Variants in DNAH9 observed in about 807,000 individuals in gnomAD.
DNAH9 encodes the protein dynein axonemal heavy chain 9.
In DNAH9, 345 loss-of-function variants were observed where a neutral mutation model predicts 471.6. That is an observed-to-expected ratio of 0.73 (90% confidence interval 0.67 to 0.80). The LOEUF (loss-of-function observed/expected upper bound fraction) is 0.80, where lower values mean the gene tolerates loss of function less well. DNAH9 is among the 30% of genes least tolerant of loss of function. The pLI is 0.00. For missense variants in DNAH9, 5,407 were observed against 5,609.2 expected (o/e 0.96, Z 1.15); for synonymous variants, 2,093 against 2,123.6 (o/e 0.99, Z 0.40).
chr17:11,919,410 G>C (rs12450739), intron 61 of DNAH9, among the ~76,000 whole-genome samples: 27,385 of 150,014 alleles, frequency 0.18, 2,545 homozygotes, highest in East Asian at 0.28. Flanking sequence ...CAGGAGAATG[G>C]CATGAACCCG....
At chr17:11,723,834 A>G (rs932494352) in intron 27 of DNAH9, among the ~76,000 whole-genome samples, 1 of 151,550 alleles carries the variant, frequency 6.6e-6, no homozygotes, top group East Asian at 2.0e-4. Flanking sequence ...CGCCTGGCTA[A>G]TTGGTTTTTT....
chr17:11,775,955 A>C (rs1165418878), intron 38 of DNAH9, among the ~76,000 whole-genome samples: 1 of 151,984 alleles, frequency 6.6e-6, no homozygotes, highest in African/African-American at 2.4e-5. Flanking sequence ...CCTCTCTTTC[A>C]CTACATCCAG....
At chr17:11,618,328 C>T (rs530284193) in intron 5 of DNAH9, among the ~76,000 whole-genome samples, 41 of 152,294 alleles carry the variant, frequency 2.7e-4, no homozygotes, top group African/African-American at 9.9e-4. Flanking sequence ...TGGCTCACGC[C>T]TGTAATCCCA....
rs1171038641 is a variant in DNAH9, at chr17:11,711,025, A to G, written c.5552+5840A>G. Among the ~76,000 whole-genome samples, 3 of 152,308 alleles carry G rather than the reference A, an allele frequency of 2.0e-5. No individual in the cohort carries two copies. The East Asian group carries it at 5.8e-4, about 29-fold the overall frequency. ...CTGAATGTTGACTTATTTCTTGCAC[A>G]GGCTGGAAAGATGGTCTCTATGCCT... On this transcript the variant is annotated intron_variant, in intron 26 of 68. Transcript: ENST00000262442.
At chr17:11,742,134 A>T (rs1275371073) in intron 29 of DNAH9, 41 bp from the exon 30 acceptor site, 2 of 1,606,354 alleles carry the variant, frequency 1.2e-6, no homozygotes, top group Non-Finnish European at 1.7e-6. Flanking sequence ...TCAACACTGT[A>T]CTTGGGAAAC....
intron 45 of DNAH9, among the ~76,000 whole-genome samples, chr17:11,821,526 C>T (rs1385515906): frequency 2.6e-5 from 4 of 151,706 alleles, no homozygotes; most frequent in East Asian, 1.9e-4. Context: ...CCCTTTTTGC[C>T]GGGGGTCTTT....
chr17:11,637,697 A>G (rs866046362), intron 9 of DNAH9, among the ~76,000 whole-genome samples: 20 of 152,200 alleles, frequency 1.3e-4, no homozygotes, highest in African/African-American at 4.8e-4. Flanking sequence ...ATTGGACTGA[A>G]TGGCCTCTGA....
At position 11,932,101 on chromosome 17, in the gene DNAH9, C is replaced by G. The variant is rs138149656; in HGVS notation, c.12193C>G (p.Arg4065Gly). 5 of 1,614,028 alleles carry G rather than the reference C, an allele frequency of 3.1e-6. No homozygotes were observed. The change falls in exon 64 of 69, where the codon CGA (arginine) becomes GGA (glycine). Residue 4065 changes from arginine to glycine, a missense_variant. Arg to Gly is a moderately radical substitution (Grantham distance 125). Coordinates refer to ENST00000262442, the MANE Select transcript of DNAH9 (RefSeq NM_001372.4). This position sits in a 1 kb window ranked among gnomAD's most constrained non-coding sequence, Gnocchi z 4.3. The part of the protein sequence containing the change: ...CYFHAVVAER[R>G]KFGPQGWNRS... ...CTTCCATGCGGTGGTGGCAGAAAGA[C>G]GAAAATTTGGGCCCCAGGGATGGAA...
chr17:11,672,570 C>T (rs1046250244), intron 17 of DNAH9, among the ~76,000 whole-genome samples: 2 of 152,226 alleles, frequency 1.3e-5, no homozygotes, highest in Non-Finnish European at 2.9e-5. Flanking sequence ...TGCACTCTGC[C>T]TTGCTGCCAT....
Position 11,742,254 on chromosome 17 carries a change from T to A in DNAH9, c.6052T>A (p.Ser2018Thr), listed in dbSNP as rs757716226. Reference sequence around the variant, plus strand: ...GGCAGAAGGATTCATTGAAGCCCAGTCATTAGCCAGAAAGTTCATCACTCT... The same window carrying A: ...GGCAGAAGGATTCATTGAAGCCCAGACATTAGCCAGAAAGTTCATCACTCT... ...LVAEGFIEAQ[S>T]LARKFITLYQ... is the part of the protein sequence containing the mutation. Residue 2018 changes from serine (S) to threonine (T), a missense_variant, in exon 30 of 69, where the codon TCA becomes ACA. This residue lies in a region of DNAH9 where 4,636 missense variants were observed against 4,900.3 expected (regional missense o/e 0.95). Coordinates refer to ENST00000262442, the MANE Select transcript of DNAH9 (RefSeq NM_001372.4). The A allele has an allele frequency of 1.2e-6, 2 of 1,614,028 alleles. No homozygotes were observed. The highest frequency in any genetic ancestry group is 1.3e-5 in the African/African-American group (1 of 74,916).
At chr17:11,773,872 G>A (rs1968316045) in intron 38 of DNAH9, among the ~76,000 whole-genome samples, 1 of 152,194 alleles carries the variant, frequency 6.6e-6, no homozygotes, top group Non-Finnish European at 1.5e-5. Context: ...GCTCATGCCT[G>A]TAATCCCAGC....
rs945997753 is a variant in DNAH9 at position 11,793,488 on chromosome 17, C to G, written c.8062-15C>G. ...GGTTATTAACGTTATTTTTTTGTGT[C>G]TGTTCCCCTTGAAGGGCATTCTCTT... is the stretch of plus-strand genomic sequence containing the variant. On this transcript the variant is annotated splice_polypyrimidine_tract_variant and intron_variant, in intron 41 of 68. Transcript: ENST00000262442. 4 of 1,597,170 alleles carry G rather than the reference C, an allele frequency of 2.5e-6. No individual in the cohort carries two copies. Among genetic ancestry groups the G allele is most frequent in the African/African-American group, 1.4e-5 (1 of 73,788 alleles).
At chr17:11,930,817 G>C (rs1347461963) in intron 63 of DNAH9, among the ~76,000 whole-genome samples, 4 of 151,828 alleles carry the variant, frequency 2.6e-5, no homozygotes, top group South Asian at 2.1e-4. Flanking sequence ...GAAACTCTGG[G>C]CTGGGGCCCA....
In DNAH9 at chr17:11,892,786, T is replaced by C. The variant is rs1401614789; in HGVS notation, c.11283+839T>C. The stretch of plus-strand genomic sequence containing the variant: ...CCAGGCTCGTCTCAAACTCCTGACC[T>C]CAGGTGATCCACCCGCCTCGGCCTA... On this transcript the variant is annotated intron_variant, in intron 58 of 68. Coordinates refer to ENST00000262442, the MANE Select transcript of DNAH9 (RefSeq NM_001372.4). This position sits in a 1 kb window ranked among gnomAD's most constrained non-coding sequence, Gnocchi z 4.3. Among the ~76,000 whole-genome samples, 1 of 152,078 alleles carries C rather than the reference T, an allele frequency of 6.6e-6. No individual in the cohort carries two copies. The highest frequency in any genetic ancestry group is 1.5e-5 in the Non-Finnish European group (1 of 68,014).
chr17:11,741,383 A>T (rs1049488900), intron 29 of DNAH9, among the ~76,000 whole-genome samples: 13 of 152,338 alleles, frequency 8.5e-5, no homozygotes, highest in Middle Eastern at 3.4e-3. Flanking sequence ...AATAAGTATT[A>T]GGTTGGTGCA....
chr17:11,896,092 C>A (rs1485287447), intron 59 of DNAH9, among the ~76,000 whole-genome samples: 1 of 152,204 alleles, frequency 6.6e-6, no homozygotes, highest in Non-Finnish European at 1.5e-5. Flanking sequence ...TTCCCATCTT[C>A]ACATGGCTGT....
At chr17:11,873,059 C>T (rs1245258746) in intron 52 of DNAH9, among the ~76,000 whole-genome samples, 1 of 152,222 alleles carries the variant, frequency 6.6e-6, no homozygotes, top group African/African-American at 2.4e-5. Flanking sequence ...TGATTGTTTT[C>T]TCAGATCAGC....
At chr17:11,943,406 C>T (rs1975007057) in intron 67 of DNAH9, among the ~76,000 whole-genome samples, 2 of 151,784 alleles carry the variant, frequency 1.3e-5, no homozygotes, top group African/African-American at 2.4e-5. Context: ...GGGCCGGGCG[C>T]GGTGGCTCGT....
At chr17:11,722,068 A>T (rs1414035207) in intron 27 of DNAH9, among the ~76,000 whole-genome samples, 1 of 152,130 alleles carries the variant, frequency 6.6e-6, no homozygotes, top group Admixed American at 6.6e-5. Context: ...AGCCCTCCTC[A>T]CAGGACCCGG....
Sources: allele counts gnomAD v4.1 joint callset (sites outside exome capture counted in the v4.1 genomes callset), GRCh38; gene constraint gnomAD v4.1.1; regional missense constraint gnomAD v4.1.1; non-coding constraint Gnocchi (gnomAD v3.1); transcripts MANE v1.5; gene names NCBI Gene and HGNC (gene_info 2026-07-23, HGNC 2026-07-21).